ASAP2: variants seen among roughly 807,000 people sequenced by gnomAD.
The protein encoded by ASAP2 is arf-GAP with SH3 domain, ANK repeat and PH domain-containing protein 2.
ASAP2 carries 45 observed loss-of-function variants against 131.4 expected under a neutral mutation model. The ratio of observed to expected loss-of-function variants is 0.34; its 90% CI spans 0.27 to 0.44. The LOEUF (loss-of-function observed/expected upper bound fraction) is 0.44, where lower values mean the gene tolerates loss of function less well. ASAP2 is among the 20% of genes least tolerant of loss of function. The pLI, the probability that ASAP2 is intolerant of heterozygous loss-of-function variation, is 1.00. For synonymous variants in ASAP2, 510 were observed against 503.0 expected, an observed-to-expected ratio of 1.01 and a Z score of -0.19; for missense variants, 1,011 against 1,297.0, an observed-to-expected ratio of 0.78 and a Z score of 3.39.
chr2:9,390,393 T>C (rs1246277141), intron 22 of ASAP2, among the ~76,000 whole-genome samples: 1 of 152,242 alleles, frequency 6.6e-6, no homozygotes, highest in African/African-American at 2.4e-5. Flanking sequence ...CTACAGGCCG[T>C]GCACAGCCTC....
chr2:9,384,346 A>G (rs1675095566), intron 20 of ASAP2, among the ~76,000 whole-genome samples: 1 of 152,134 alleles, frequency 6.6e-6, no homozygotes, highest in Non-Finnish European at 1.5e-5. Flanking sequence ...GCCATGCTAG[A>G]CTTTTTTCAC....
At chr2:9,397,086 A>G (rs1435835169) in intron 24 of ASAP2, among the ~76,000 whole-genome samples, 1 of 152,238 alleles carries the variant, frequency 6.6e-6, no homozygotes. Context: ...TGGGCTTTCC[A>G]GTGCTAATTA....
At chr2:9,229,709 G>A (rs1436894320) in intron 1 of ASAP2, among the ~76,000 whole-genome samples, 1 of 152,232 alleles carries the variant, frequency 6.6e-6, no homozygotes, top group Non-Finnish European at 1.5e-5. Context: ...TTGAGTAAGT[G>A]ATGGAGTAGT....
chr2:9,370,859 G>A (rs1673890021), intron 16 of ASAP2, among the ~76,000 whole-genome samples: 13 of 152,210 alleles, frequency 8.5e-5, no homozygotes, highest in Admixed American at 8.5e-4. Flanking sequence ...CCCGCTTGGT[G>A]AAGGAAACGT....
chr2:9,304,287 A>G (rs2148425935), intron 3 of ASAP2, among the ~76,000 whole-genome samples: 1 of 152,256 alleles, frequency 6.6e-6, no homozygotes, highest in Non-Finnish European at 1.5e-5. Context: ...AACCTAAAAC[A>G]GGGTTTGTTT....
intron 11 of ASAP2, among the ~76,000 whole-genome samples, chr2:9,349,953 C>A (rs1195049366): frequency 1.3e-5 from 2 of 152,152 alleles, no homozygotes; most frequent in African/African-American, 4.8e-5. Context: ...AAGTTTAAGA[C>A]ATTCTTATTT....
intron 1 of ASAP2, 69 bp from the exon 2 acceptor site, chr2:9,279,248 A>G (rs1666966183): frequency 2.0e-6 from 3 of 1,475,978 alleles, no homozygotes; most frequent in Non-Finnish European, 2.8e-6. Context: ...GTGGCACTCA[A>G]CGTGGTGCTC....
At chr2:9,383,489 G>A (rs986060247) in intron 20 of ASAP2, among the ~76,000 whole-genome samples, 1 of 152,004 alleles carries the variant, frequency 6.6e-6, no homozygotes, top group African/African-American at 2.4e-5. Context: ...CAAACTCCTG[G>A]CTCAAGCAGT....
chr2:9,359,514 A>C (rs370048223), intron 15 of ASAP2, among the ~76,000 whole-genome samples: 4 of 152,354 alleles, frequency 2.6e-5, no homozygotes, highest in African/African-American at 9.6e-5. Flanking sequence ...GCTTCTGGCC[A>C]CCTAATACAT....
chr2:9,386,026 T>G (rs1320213641), intron 21 of ASAP2, among the ~76,000 whole-genome samples: 1 of 152,212 alleles, frequency 6.6e-6, no homozygotes, highest in Admixed American at 6.5e-5. Context: ...AAGCCCTGGC[T>G]CCTAGCCGCG....
At chr2:9,215,291 G>A (rs1025195248) in intron 1 of ASAP2, among the ~76,000 whole-genome samples, 5 of 152,128 alleles carry the variant, frequency 3.3e-5, no homozygotes, top group African/African-American at 7.2e-5. Context: ...ATGTCACTAT[G>A]TGGAGCACGA....
At chr2:9,375,015 C>T (rs1674286397) in intron 17 of ASAP2, 71 bp downstream of exon 17, 12 of 1,410,398 alleles carry the variant, frequency 8.5e-6, no homozygotes, top group Non-Finnish European at 1.1e-5. Flanking sequence ...GCCTGGGATC[C>T]AGTACTTTAC....
chr2:9,387,146 G>A (rs1053268686), intron 21 of ASAP2, among the ~76,000 whole-genome samples: 14 of 149,552 alleles, frequency 9.4e-5, no homozygotes, highest in South Asian at 2.1e-4. Context: ...CCCGGGAGGC[G>A]GAGCTTGCAG....
chr2:9,265,238 G>T (rs1056922484), intron 1 of ASAP2, among the ~76,000 whole-genome samples: 1 of 152,240 alleles, frequency 6.6e-6, no homozygotes, highest in Non-Finnish European at 1.5e-5. Context: ...ATCTAGAGAT[G>T]ATTTAAAGCA....
intron 1 of ASAP2, among the ~76,000 whole-genome samples, chr2:9,256,936 G>A (rs563064935): frequency 6.6e-6 from 1 of 152,174 alleles, no homozygotes; most frequent in Non-Finnish European, 1.5e-5. Context: ...TGCAGCCAAG[G>A]GCTGGGAGGG....
rs1674495323 is a variant in ASAP2 at position 9,377,445 on chromosome 2, T to C, written c.1832+452T>C. On this transcript the variant is annotated intron_variant, in intron 18 of 27. Coordinates refer to ENST00000281419, the MANE Select transcript of ASAP2 (RefSeq NM_003887.3). ...ACCAGAGCACTGGATTATGGGTGTT[T>C]TGTTTGGGTCGAGAAGTTGTTTTTA... Among the ~76,000 whole-genome samples the C allele has an allele frequency of 1.3e-5, 2 of 152,180 alleles. 1 individual carries two copies. Among genetic ancestry groups the C allele is most frequent in the South Asian group, 4.1e-4 (2 of 4,824 alleles).
At chr2:9,331,493 C>T (rs1670835198) in intron 7 of ASAP2, among the ~76,000 whole-genome samples, 1 of 152,168 alleles carries the variant, frequency 6.6e-6, no homozygotes, top group South Asian at 2.1e-4. Context: ...TTTGGCAAGG[C>T]ATGGTGGCTC....
At position 9,268,517 on chromosome 2, in the gene ASAP2, C is replaced by T. The variant is rs536064854; in HGVS notation, c.127-10800C>T. ...GGTTCGTTATTGCTCTGGCTTTAAACGGAGCCCACAGGTCACAGTGCAAGT... is the reference window on the plus strand; with the variant it reads ...GGTTCGTTATTGCTCTGGCTTTAAATGGAGCCCACAGGTCACAGTGCAAGT... On this transcript the variant is annotated intron_variant, in intron 1 of 27. Transcript: ENST00000281419. The surrounding 1 kb of genome is among the most constrained non-coding windows in gnomAD (Gnocchi z 4.1). Among the ~76,000 whole-genome samples, 6 of 152,298 alleles carry T rather than the reference C, an allele frequency of 3.9e-5. No individual in the cohort carries two copies. Among genetic ancestry groups the T allele is most frequent in the South Asian group, 2.1e-4 (1 of 4,816 alleles).
intron 3 of ASAP2, among the ~76,000 whole-genome samples, chr2:9,312,136 A>G (rs1327091800): frequency 6.6e-6 from 1 of 152,108 alleles, no homozygotes; most frequent in African/African-American, 2.4e-5. Flanking sequence ...GTTTTAGGAC[A>G]TTTTCTTCTC....
Sources: allele counts gnomAD v4.1 joint callset (sites outside exome capture counted in the v4.1 genomes callset), GRCh38; gene constraint gnomAD v4.1.1; non-coding constraint Gnocchi (gnomAD v3.1); transcripts MANE v1.5; gene names NCBI Gene and HGNC (gene_info 2026-07-23, HGNC 2026-07-21).